SLC23A2: variants seen among roughly 807,000 people sequenced by gnomAD.
The protein encoded by SLC23A2 is Na(+)/L-ascorbic acid transporter 2.
In SLC23A2, 36 loss-of-function variants were observed where a neutral mutation model predicts 73.3. The ratio of observed to expected loss-of-function variants is 0.49; its 90% confidence interval spans 0.38 to 0.65. SLC23A2 has a LOEUF of 0.65. Ranked by LOEUF, SLC23A2 falls within the 30% of genes least tolerant of loss-of-function variation. The probability of loss-of-function intolerance (pLI) is 0.00; values close to 1 mark genes in which losing one functional copy is unlikely to be tolerated. For missense variants in SLC23A2, 507 were observed against 841.6 expected (o/e 0.60, Z 4.92); for synonymous variants, 343 against 327.3 (o/e 1.05, Z -0.52).
chr20:5,006,436 T>A (rs1379809798), upstream of SLC23A2, among the ~76,000 whole-genome samples: 3 of 152,100 alleles, frequency 2.0e-5, no homozygotes, highest in Admixed American at 6.6e-5. Context: ...GGTCTACTAA[T>A]GAAAATAATA....
At chr20:4,859,471 G>T in intron 15 of SLC23A2, 87 bp from the exon 16 acceptor site, 3 of 815,554 alleles carry the variant, frequency 3.7e-6, no homozygotes, top group Non-Finnish European at 6.5e-6. Flanking sequence ...GGTGTGGGCA[G>T]AACTCCGCCA....
intron 2 of SLC23A2, among the ~76,000 whole-genome samples, chr20:4,952,723 A>G (rs897481606): frequency 1.7e-4 from 26 of 152,212 alleles, no homozygotes; most frequent in African/African-American, 6.3e-4. Context: ...CATATGCTAT[A>G]TAAGAAATGT....
chr20:4,937,828 C>G (rs73893865), intron 2 of SLC23A2, among the ~76,000 whole-genome samples: 3,489 of 152,174 alleles, frequency 0.023, 126 homozygotes, highest in African/African-American at 0.079. Flanking sequence ...GGTGATTTTG[C>G]CCTCCTTGTG....
At position 4,853,527 on chromosome 20, in the gene SLC23A2, A is replaced by G. The variant is rs1455213954; in HGVS notation, c.*3445T>C. On this transcript the variant is annotated 3_prime_UTR_variant, in exon 17 of 17. Coordinates refer to ENST00000338244, the MANE Select transcript of SLC23A2 (RefSeq NM_005116.6). ...ATACACACATACTAGAGATTCATCA[A>G]TGGAGAAATTCTATCATCACATGAC... is the stretch of plus-strand genomic sequence containing the variant. 2.0e-5 allele frequency: 3 copies of G among 152,702 alleles called. No homozygotes were observed. Among genetic ancestry groups the G allele is most frequent in the Non-Finnish European group, 4.4e-5 (3 of 68,052 alleles). 9.5% of individuals were successfully genotyped at this position (152,702 alleles called of 1,614,324 possible). A position where few individuals can be genotyped will look rare whatever the true frequency, so the allele number is the denominator to read the frequency against.
At chr20:4,976,675 C>CAA (rs960776036) in intron 1 of SLC23A2, among the ~76,000 whole-genome samples, 1 of 136,444 alleles carries the variant, frequency 7.3e-6, no homozygotes, top group East Asian at 2.2e-4. Context: ...GACTTCATCT[C>CAA]AAAAAAAAAA....
chr20:4,886,446 G>A (rs550735017), intron 6 of SLC23A2, among the ~76,000 whole-genome samples: 5 of 152,264 alleles, frequency 3.3e-5, no homozygotes, highest in African/African-American at 9.6e-5. Context: ...GTTACAACGT[G>A]ACAGCAGATA....
chr20:4,859,830 T>C (rs1339089029), intron 15 of SLC23A2, among the ~76,000 whole-genome samples: 8 of 152,260 alleles, frequency 5.3e-5, no homozygotes, highest in Non-Finnish European at 4.4e-5. Flanking sequence ...TATCAATTAG[T>C]GCTTAGCTGC....
intron 6 of SLC23A2, among the ~76,000 whole-genome samples, chr20:4,893,008 A>G (rs549080846): frequency 2.6e-5 from 4 of 152,196 alleles, no homozygotes; most frequent in Non-Finnish European, 5.9e-5. Flanking sequence ...GTGATACACA[A>G]GAGACACCGT....
intron 2 of SLC23A2, among the ~76,000 whole-genome samples, chr20:4,935,982 A>G (rs2086956803): frequency 6.6e-6 from 1 of 152,038 alleles, no homozygotes; most frequent in African/African-American, 2.4e-5. Flanking sequence ...TATTTTCTAT[A>G]ATGTTTACAG....
rs148139088 is a variant in SLC23A2, at chr20:4,891,307, A to T, written c.483-5398T>A. Among the ~76,000 whole-genome samples the T allele has an allele frequency of 3.4e-4, 52 of 152,342 alleles. No individual in the cohort carries two copies. The East Asian group carries it at 9.8e-3, about 29-fold the overall frequency. ...AAACTTTCATGTAACAAGAGGACTC[A>T]ATCAGACTCCCAGGCCCTTGAAACA... On this transcript the variant is annotated intron_variant, in intron 6 of 16. Coordinates refer to ENST00000338244, the MANE Select transcript of SLC23A2 (RefSeq NM_005116.6).
chr20:4,865,921 G>A (rs535938708), intron 13 of SLC23A2, among the ~76,000 whole-genome samples: 14 of 151,854 alleles, frequency 9.2e-5, no homozygotes, highest in Admixed American at 3.9e-4. Flanking sequence ...CAACCTCTGC[G>A]TCCTGGGTTC....
intron 9 of SLC23A2, among the ~76,000 whole-genome samples, chr20:4,875,777 C>T (rs1475599621): frequency 4.6e-5 from 7 of 152,232 alleles, no homozygotes; most frequent in Non-Finnish European, 8.8e-5. Context: ...TAAGCCTCCA[C>T]GCGGTCTCGC....
rs758493133 is a variant in SLC23A2 at position 4,932,451 on chromosome 20, T to C, written c.108+4A>G. The C allele has an allele frequency of 3.7e-5, 54 of 1,473,354 alleles. No individual in the cohort carries two copies. Among genetic ancestry groups the C allele is most frequent in the Non-Finnish European group, 4.8e-5 (50 of 1,051,448 alleles). The allele number at this position is 1,473,354 out of a possible 1,614,324, so 91.3% of individuals were successfully genotyped here. On this transcript the variant is annotated splice_donor_region_variant and intron_variant, in intron 3 of 16. Transcript: ENST00000338244. Reference sequence around the variant, plus strand: ...TAAGAAAGGAAGATGGGGAATATGATTACCGGAAGAGTGAAGAAAGCTGGG... The same window carrying C: ...TAAGAAAGGAAGATGGGGAATATGACTACCGGAAGAGTGAAGAAAGCTGGG...
At chr20:4,963,979 C>A (rs2087433596) in intron 2 of SLC23A2, among the ~76,000 whole-genome samples, 1 of 151,684 alleles carries the variant, frequency 6.6e-6, no homozygotes, top group South Asian at 2.1e-4. Context: ...TTTGGATATA[C>A]TGCTAGTGGG....
In SLC23A2 at chr20:4,902,951, A is replaced by T. The variant is rs1349992489; in HGVS notation, c.208-393T>A. ...ATGAAAAAAATCTTAGAAAATTTTA[A>T]CCACTTTCAAAGAGACAGCACACTG... On this transcript the variant is annotated intron_variant, in intron 4 of 16. Coordinates refer to ENST00000338244, the MANE Select transcript of SLC23A2 (RefSeq NM_005116.6). The surrounding 1 kb of genome is among the most constrained non-coding windows in gnomAD (Gnocchi z 4.0). Among the ~76,000 whole-genome samples the T allele has an allele frequency of 2.0e-5, 3 of 152,104 alleles. No homozygotes were observed. The highest frequency in any genetic ancestry group is 4.8e-5 in the African/African-American group (2 of 41,410).
At chr20:4,880,009 G>A (rs1170031715) in intron 9 of SLC23A2, among the ~76,000 whole-genome samples, 1 of 152,212 alleles carries the variant, frequency 6.6e-6, no homozygotes, top group East Asian at 1.9e-4. Context: ...CTGAACTTTA[G>A]CACGCTACCT....
chr20:4,856,831 A>T lies in SLC23A2; in HGVS notation c.*141T>A. ...TCAGGCACCATCACCCTCACAGCAG[A>T]AAAGTGATTCGCAGTCTGTCTTAGC... On this transcript the variant is annotated 3_prime_UTR_variant, in exon 17 of 17. Coordinates refer to ENST00000338244, the MANE Select transcript of SLC23A2 (RefSeq NM_005116.6). This position sits in a 1 kb window ranked among gnomAD's most constrained non-coding sequence, Gnocchi z 4.6. 1 of 634,984 alleles carries T rather than the reference A, an allele frequency of 1.6e-6. No individual in the cohort carries two copies. Among genetic ancestry groups the T allele is most frequent in the Non-Finnish European group, 2.8e-6 (1 of 359,270 alleles). The allele number at this position is 634,984 out of a possible 1,614,324, so 39.3% of individuals were successfully genotyped here. A position where few individuals can be genotyped will look rare whatever the true frequency, so the allele number is the denominator to read the frequency against.
chr20:4,927,527 C>G (rs1158125350), intron 3 of SLC23A2, among the ~76,000 whole-genome samples: 1 of 152,170 alleles, frequency 6.6e-6, no homozygotes, highest in Non-Finnish European at 1.5e-5. Flanking sequence ...CTATGTGTGT[C>G]AAGTCCCACA....
chr20:4,857,935 A>G lies in SLC23A2; in HGVS notation c.1721-731T>C, dbSNP rs955610644. Among the ~76,000 whole-genome samples the G allele has an allele frequency of 2.1e-5, 3 of 143,378 alleles. No individual in the cohort carries two copies. Among genetic ancestry groups the G allele is most frequent in the Non-Finnish European group, 4.4e-5 (3 of 67,892 alleles). The allele number at this position is 143,378 out of a possible 152,430, so 94.1% of individuals were successfully genotyped here. A position where few individuals can be genotyped will look rare whatever the true frequency, so the allele number is the denominator to read the frequency against. Reference sequence around the variant, plus strand: ...AACAGAGCAAGACTCTGTCTTAAAAACAAAACAAAACAAAACAAAACAAAC... The same window carrying G: ...AACAGAGCAAGACTCTGTCTTAAAAGCAAAACAAAACAAAACAAAACAAAC... On this transcript the variant is annotated intron_variant, in intron 16 of 16. Transcript: ENST00000338244. This position sits in a 1 kb window ranked among gnomAD's most constrained non-coding sequence, Gnocchi z 4.0.
Sources: allele counts gnomAD v4.1 joint callset (sites outside exome capture counted in the v4.1 genomes callset), GRCh38; gene constraint gnomAD v4.1.1; non-coding constraint Gnocchi (gnomAD v3.1); transcripts MANE v1.5; gene names NCBI Gene and HGNC (gene_info 2026-07-23, HGNC 2026-07-21).